The following TBCK variants were observed in gnomAD, a reference collection of about 807,000 sequenced individuals.
TBCK encodes TBC1 domain containing kinase.
In TBCK, 99 loss-of-function variants were observed where a neutral mutation model predicts 113.4. That is an observed-to-expected ratio of 0.87 (90% CI 0.74 to 1.03). TBCK has a LOEUF of 1.03. Ranked by LOEUF, TBCK falls within the 50% of genes least tolerant of loss-of-function variation. The probability of loss-of-function intolerance (pLI) is 0.00; values close to 1 mark genes in which losing one functional copy is unlikely to be tolerated. For missense variants in TBCK, 1,045 were observed against 1,061.3 expected, an observed-to-expected ratio of 0.98 and a Z score of 0.21; for synonymous variants, 369 against 370.8, an observed-to-expected ratio of 1.00 and a Z score of 0.05.
intron 25 of TBCK, among the ~76,000 whole-genome samples, chr4:106,070,811 C>G (rs966736646): frequency 5.9e-5 from 9 of 152,124 alleles, no homozygotes; most frequent in Non-Finnish European, 2.9e-5. Context: ...ATTATTGCCT[C>G]AATTTCAGAG....
chr4:106,316,489 G>T (rs540921826), upstream of TBCK: 116 of 1,521,624 alleles, frequency 7.6e-5, no homozygotes, highest in Middle Eastern at 8.4e-4. Context: ...CAGGCTTTCA[G>T]CAAGGACACC....
intron 24 of TBCK, among the ~76,000 whole-genome samples, chr4:106,098,395 C>T (rs1158360804): frequency 6.6e-6 from 1 of 151,964 alleles, no homozygotes; most frequent in Non-Finnish European, 1.5e-5. Context: ...AGCCAAAGTA[C>T]TTATGGGGTG....
rs190126781 is a variant in TBCK at position 106,207,412 on chromosome 4, A to G, written c.1860+5338T>C. On this transcript the variant is annotated intron_variant, in intron 20 of 25. Transcript: ENST00000394708. ...AACTCGGTTTGGTAAATCATTATCAAAGTACCCACTCTTTTACTTGATGAA... is the reference window on the plus strand; with the variant it reads ...AACTCGGTTTGGTAAATCATTATCAGAGTACCCACTCTTTTACTTGATGAA... 4.0e-3 allele frequency among the ~76,000 whole-genome samples: 612 copies of G among 152,290 alleles called. 2 individuals carry two copies. Among genetic ancestry groups the G allele is most frequent in the Non-Finnish European group, 4.6e-3 (312 of 68,018 alleles).
intron 22 of TBCK, chr4:106,182,537 C>A (rs532719406): frequency 3.3e-5 from 5 of 152,092 alleles, no homozygotes; most frequent in Non-Finnish European, 5.9e-5. Flanking sequence ...TGTTGAGATA[C>A]ATTCCATCAG....
intron 19 of TBCK, among the ~76,000 whole-genome samples, chr4:106,217,905 C>T (rs1254750287): frequency 4.1e-5 from 6 of 144,830 alleles, no homozygotes; most frequent in Non-Finnish European, 6.2e-5. Flanking sequence ...GAGCCCGCAT[C>T]GCCAAGTCAA....
chr4:106,096,500 T>G (rs1008112220), intron 24 of TBCK, among the ~76,000 whole-genome samples: 1 of 152,198 alleles, frequency 6.6e-6, no homozygotes, highest in South Asian at 2.1e-4. Flanking sequence ...CTTTTTTTAG[T>G]GTGTTTAGAG....
chr4:106,139,027 C>T (rs1392191889), intron 23 of TBCK, among the ~76,000 whole-genome samples: 1 of 140,674 alleles, frequency 7.1e-6, no homozygotes, highest in African/African-American at 2.5e-5. Flanking sequence ...TTGAATTGGG[C>T]TGCTGACTAT....
intron 25 of TBCK, among the ~76,000 whole-genome samples, chr4:106,090,925 C>A (rs921379587): frequency 5.3e-5 from 8 of 152,196 alleles, no homozygotes; most frequent in African/African-American, 1.9e-4. Context: ...AACTTTTACT[C>A]ATTTTCCTGT....
chr4:106,291,601 GA>G (rs1765718671), intron 3 of TBCK, among the ~76,000 whole-genome samples: 1 of 152,166 alleles, frequency 6.6e-6, no homozygotes, highest in Admixed American at 6.5e-5. Flanking sequence ...AAAAAAACAT[GA>G]ACACGAAGAA....
intron 22 of TBCK, among the ~76,000 whole-genome samples, chr4:106,174,638 T>C (rs183124152): frequency 1.3e-5 from 2 of 152,296 alleles, no homozygotes; most frequent in East Asian, 1.9e-4. Context: ...ATGTTTTTGA[T>C]GTTTGTGATA....
At chr4:106,228,252 T>G (rs185903500) in intron 19 of TBCK, among the ~76,000 whole-genome samples, 20 of 152,122 alleles carry the variant, frequency 1.3e-4, no homozygotes, top group Admixed American at 1.1e-3. Flanking sequence ...ATTATATACT[T>G]ACTTATTTTA....
At chr4:106,163,582 A>G (rs188429689) in intron 23 of TBCK, 4 of 152,314 alleles carry the variant, frequency 2.6e-5, no homozygotes, top group African/African-American at 7.2e-5. Context: ...GGCTTCAGGA[A>G]ACTTACAATC....
At chr4:106,222,774 T>C (rs924630275) in intron 19 of TBCK, among the ~76,000 whole-genome samples, 5 of 152,100 alleles carry the variant, frequency 3.3e-5, no homozygotes, top group African/African-American at 1.2e-4. Context: ...CAAATGAACC[T>C]GAATTACTTC....
chr4:106,056,179 C>T (rs190689437), intron 25 of TBCK, among the ~76,000 whole-genome samples: 9 of 151,216 alleles, frequency 6.0e-5, no homozygotes, highest in East Asian at 3.9e-4. Flanking sequence ...TTCAAACCTA[C>T]GTTATTCTTC....
At chr4:106,053,173 C>A (rs570646242) in intron 25 of TBCK, among the ~76,000 whole-genome samples, 1 of 151,650 alleles carries the variant, frequency 6.6e-6, no homozygotes, top group Non-Finnish European at 1.5e-5. Flanking sequence ...ACAAGGGCCA[C>A]GCACTGTGAC....
intron 3 of TBCK, among the ~76,000 whole-genome samples, chr4:106,285,563 T>G (rs1579511120): frequency 1.3e-5 from 2 of 152,180 alleles, no homozygotes; most frequent in African/African-American, 4.8e-5. Flanking sequence ...ATTTAAAATT[T>G]AAAATTTAAA....
At chr4:106,153,828 G>GT (rs1034719050) in intron 23 of TBCK, among the ~76,000 whole-genome samples, 18 of 149,082 alleles carry the variant, frequency 1.2e-4, no homozygotes, top group East Asian at 5.8e-4. Flanking sequence ...TCTTCTTAGA[G>GT]TTTTTTTTTT....
intron 25 of TBCK, among the ~76,000 whole-genome samples, chr4:106,071,074 AG>A (rs1411361454): frequency 2.0e-5 from 3 of 151,998 alleles, no homozygotes. Context: ...ATTTTTTGAA[AG>A]GTTTTTTGTT....
At chr4:106,300,209 G>A (rs544143466) in intron 2 of TBCK, among the ~76,000 whole-genome samples, 5 of 152,298 alleles carry the variant, frequency 3.3e-5, no homozygotes, top group South Asian at 2.1e-4. Flanking sequence ...CACCAGCCAC[G>A]TGGAACTGTA....
Sources: gnomAD v4.1 joint callset for allele counts (sites outside exome capture counted in the v4.1 genomes callset) on GRCh38, gnomAD v4.1.1 for gene constraint, MANE v1.5 for transcripts, NCBI Gene and HGNC (gene_info 2026-07-23, HGNC 2026-07-21) for gene names.